WWOX: variants seen among roughly 807,000 people sequenced by gnomAD.
WWOX encodes the protein WW domain-containing oxidoreductase.
A neutral mutation model predicts 46.2 loss-of-function variants in WWOX; 69 were observed. The observed-to-expected ratio is 1.49, with a 90% CI of 1.23 to 1.82. The LOEUF (loss-of-function observed/expected upper bound fraction) is 1.82, where lower values mean the gene tolerates loss of function less well. Among genes scored for constraint, WWOX ranks in the 40% most tolerant of loss-of-function variants. The probability of loss-of-function intolerance (pLI) is 0.00; values close to 1 mark genes in which losing one functional copy is unlikely to be tolerated. For missense variants in WWOX, 919 were observed against 542.6 expected, an observed-to-expected ratio of 1.69 and a Z score of -6.89; for synonymous variants, 359 against 202.6, an observed-to-expected ratio of 1.77 and a Z score of -6.56.
chr16:78,422,720 C>CACATATATATATATACACACACACAT (rs1299973391), intron 6 of WWOX, among the ~76,000 whole-genome samples: 2 of 95,886 alleles, frequency 2.1e-5, no homozygotes, highest in Non-Finnish European at 3.9e-5. Context: ...TACACACACA[C>CACATATATATATATACACACACACAT]ATATATATAT....
intron 8 of WWOX, among the ~76,000 whole-genome samples, chr16:79,171,779 GTTTGT>G: frequency 2.0e-5 from 3 of 151,892 alleles, no homozygotes; most frequent in Middle Eastern, 6.8e-3. Context: ...CTTATTTTTT[GTTTGT>G]TTTGTTTTCT....
At chr16:78,491,249 C>G (rs1463359713) in intron 8 of WWOX, among the ~76,000 whole-genome samples, 1 of 152,180 alleles carries the variant, frequency 6.6e-6, no homozygotes, top group Non-Finnish European at 1.5e-5. Context: ...CAGTCAGCTG[C>G]TACACCATGA....
At chr16:78,931,750 G>T (rs913110205) in intron 8 of WWOX, among the ~76,000 whole-genome samples, 2 of 152,190 alleles carry the variant, frequency 1.3e-5, no homozygotes, top group African/African-American at 4.8e-5. Context: ...AAGTTTGAAG[G>T]CAATTCCAGG....
intron 8 of WWOX, among the ~76,000 whole-genome samples, chr16:78,701,033 T>G (rs1286895116): frequency 6.6e-6 from 1 of 152,148 alleles, no homozygotes; most frequent in African/African-American, 2.4e-5. Context: ...CTGCCAGATG[T>G]AGATGTGTGA....
In WWOX at chr16:78,510,064, AGTCTGTCTGTCT is replaced by A. The variant is rs59985442; in HGVS notation, c.1056+77337_1056+77348del. On this transcript the variant is annotated intron_variant, in intron 8 of 8. Transcript: ENST00000566780. The stretch of plus-strand genomic sequence containing the variant: ...GCAACAAAGAGAGATCCTGTCTCCA[AGTCTGTCTGTCT>A]GTCTGTCTGTCTGTCTGTCTGTCTC... Among the ~76,000 whole-genome samples the A allele has an allele frequency of 5.7e-4, 85 of 150,382 alleles. 1 individual carries two copies. Among genetic ancestry groups the A allele is most frequent in the South Asian group, 1.9e-3 (9 of 4,660 alleles).
At chr16:78,332,990 T>G (rs2080795892) in intron 5 of WWOX, among the ~76,000 whole-genome samples, 1 of 151,862 alleles carries the variant, frequency 6.6e-6, no homozygotes, top group African/African-American at 2.4e-5. Flanking sequence ...AAACAATCTT[T>G]TTAACCAAGA....
At chr16:79,209,676 C>A (rs1208644504) in intron 8 of WWOX, among the ~76,000 whole-genome samples, 2 of 152,174 alleles carry the variant, frequency 1.3e-5, no homozygotes, top group East Asian at 1.9e-4. Flanking sequence ...TCCACCAGAA[C>A]TCTAAGATTC....
chr16:78,497,128 T>G (rs1052917890), intron 8 of WWOX, among the ~76,000 whole-genome samples: 2 of 152,244 alleles, frequency 1.3e-5, no homozygotes, highest in Non-Finnish European at 2.9e-5. Flanking sequence ...GATGACCTTC[T>G]GTTAGGTGTA....
intron 8 of WWOX, among the ~76,000 whole-genome samples, chr16:78,670,899 A>G (rs919320183): frequency 1.3e-5 from 2 of 152,000 alleles, no homozygotes; most frequent in African/African-American, 4.8e-5. Context: ...TACATCCAAT[A>G]AGAATGTCCT....
chr16:78,380,859 G>A (rs956611179), intron 5 of WWOX, among the ~76,000 whole-genome samples: 4 of 152,124 alleles, frequency 2.6e-5, no homozygotes, highest in Non-Finnish European at 5.9e-5. Flanking sequence ...ATTATTATTG[G>A]AAAACAATGG....
chr16:79,068,544 C>T (rs758969564), intron 8 of WWOX, among the ~76,000 whole-genome samples: 4 of 151,990 alleles, frequency 2.6e-5, no homozygotes, highest in African/African-American at 4.8e-5. Context: ...TGGCTCATGC[C>T]TGTAATCTCA....
chr16:78,649,514 C>G (rs569545195), intron 8 of WWOX, among the ~76,000 whole-genome samples: 1 of 151,656 alleles, frequency 6.6e-6, no homozygotes, highest in African/African-American at 2.4e-5. Context: ...TGGCCTCAAG[C>G]GATCCTCCTG....
At chr16:78,562,427 A>G (rs2044461813) in intron 8 of WWOX, among the ~76,000 whole-genome samples, 1 of 152,188 alleles carries the variant, frequency 6.6e-6, no homozygotes, top group African/African-American at 2.4e-5. Context: ...CTGTTCCCAC[A>G]TCCCCTGATG....
At chr16:79,050,692 A>T (rs1005031741) in intron 8 of WWOX, among the ~76,000 whole-genome samples, 1 of 152,182 alleles carries the variant, frequency 6.6e-6, no homozygotes, top group African/African-American at 2.4e-5. Flanking sequence ...GTTACAATTG[A>T]AAAAATCAAT....
intron 8 of WWOX, chr16:78,890,578 T>C (rs1221473859): frequency 6.6e-6 from 1 of 152,238 alleles, no homozygotes; most frequent in Non-Finnish European, 1.5e-5. Context: ...AGTTGCTCTC[T>C]TTTTGCCAGG....
At chr16:79,046,162 C>T (rs1053256898) in intron 8 of WWOX, among the ~76,000 whole-genome samples, 8 of 152,138 alleles carry the variant, frequency 5.3e-5, no homozygotes, top group African/African-American at 1.9e-4. Flanking sequence ...GTGCTCAGCA[C>T]ATGTTCATTG....
intron 8 of WWOX, among the ~76,000 whole-genome samples, chr16:78,747,871 C>T (rs1312895806): frequency 6.6e-6 from 1 of 152,122 alleles, no homozygotes; most frequent in Non-Finnish European, 1.5e-5. Context: ...TTCTCTCTGC[C>T]TCAGTTTTTC....
intron 8 of WWOX, among the ~76,000 whole-genome samples, chr16:78,738,120 C>T (rs2049132295): frequency 6.6e-6 from 1 of 152,142 alleles, no homozygotes; most frequent in African/African-American, 2.4e-5. Flanking sequence ...TCCTGAAAAA[C>T]AGTTCAATTA....
intron 6 of WWOX, among the ~76,000 whole-genome samples, chr16:78,396,936 A>C (rs999673757): frequency 1.3e-5 from 2 of 151,988 alleles, no homozygotes; most frequent in African/African-American, 4.8e-5. Context: ...GTGGTTTACT[A>C]CTCCTTGGAC....
Sources: allele counts gnomAD v4.1 joint callset (sites outside exome capture counted in the v4.1 genomes callset), GRCh38; gene constraint gnomAD v4.1.1; transcripts MANE v1.5; gene names NCBI Gene and HGNC (gene_info 2026-07-23, HGNC 2026-07-21).